RELCH: variants seen among roughly 807,000 people sequenced by gnomAD.
RELCH encodes the protein RAB11-binding protein RELCH.
A neutral mutation model predicts 150.3 loss-of-function variants in RELCH; 41 were observed. That is an observed-to-expected ratio of 0.27 (90% confidence interval 0.21 to 0.35). The LOEUF (loss-of-function observed/expected upper bound fraction) is 0.35, where lower values mean the gene tolerates loss of function less well. Ranked by LOEUF, RELCH falls within the 10% of genes least tolerant of loss-of-function variation. The pLI is 1.00. For synonymous variants in RELCH, 478 were observed against 531.8 expected, an observed-to-expected ratio of 0.90 and a Z score of 1.39; for missense variants, 1,092 against 1,467.8, an observed-to-expected ratio of 0.74 and a Z score of 4.18.
intron 11 of RELCH, chr18:62,246,201 A>G (rs2042403415): frequency 6.6e-6 from 1 of 152,226 alleles, no homozygotes; most frequent in African/African-American, 2.4e-5. Context: ...TGCAGTTTTT[A>G]TACACAAAAC....
Position 62,282,271 on chromosome 18 carries a change from T to C in RELCH, c.3115-35T>C, listed in dbSNP as rs752871217. 7 of 1,588,600 alleles carry C rather than the reference T, an allele frequency of 4.4e-6. No homozygotes were observed. The East Asian group carries it at 1.6e-4, about 36-fold the overall frequency. ...TAACAACACTACTCAGTTTTCAATA[T>C]TCTATGAAATGACTGTACAATATCC... On this transcript the variant is annotated intron_variant, in intron 24 of 28. Transcript: ENST00000644646.
At chr18:62,253,165 A>G (rs776072538) in intron 12 of RELCH, among the ~76,000 whole-genome samples, 36 of 151,972 alleles carry the variant, frequency 2.4e-4, no homozygotes, top group Admixed American at 5.9e-4. Context: ...CAGAGAAAGA[A>G]TCTCTGAGGC....
At chr18:62,301,160 C>T (rs2045646636) in intron 28 of RELCH, among the ~76,000 whole-genome samples, 1 of 152,172 alleles carries the variant, frequency 6.6e-6, no homozygotes, top group Admixed American at 6.6e-5. Context: ...AAAATCAGCA[C>T]TGTGCAAAAT....
chr18:62,269,089 G>A, intron 20 of RELCH, 141 bp downstream of exon 20: 1 of 427,220 alleles, frequency 2.3e-6, no homozygotes, highest in South Asian at 5.1e-5. Flanking sequence ...AATTTATAAT[G>A]GATAGCATAT....
chr18:62,258,596 G>A lies in RELCH; in HGVS notation c.2122G>A (p.Ala708Thr), dbSNP rs2043101384. 4 of 1,604,648 alleles carry A rather than the reference G, an allele frequency of 2.5e-6. No individual in the cohort carries two copies. Among genetic ancestry groups the A allele is most frequent in the Non-Finnish European group, 3.4e-6 (4 of 1,176,830 alleles). Residue 708 changes from alanine to threonine, a missense_variant, in exon 15 of 29, where the codon GCT (alanine) becomes ACT (threonine). By Grantham distance (58) the Ala-to-Thr change is moderately conservative (BLOSUM62 0). Coordinates refer to ENST00000644646, the MANE Select transcript of RELCH (RefSeq NM_001346231.2). ...ATHQVFLPAY[A>T]AWTTELGNLQ... ...ACATCAAGTATTTTTACCAGCTTAC[G>A]CTGCGTGGACTACAGAACTTGGAAA...
chr18:62,248,214 C>G (rs141359214), intron 11 of RELCH, among the ~76,000 whole-genome samples: 2 of 152,214 alleles, frequency 1.3e-5, no homozygotes, highest in African/African-American at 4.8e-5. Flanking sequence ...AAGTTTCCTC[C>G]GTAAACTTTG....
chr18:62,255,732 C>G (rs1378909882), intron 13 of RELCH, among the ~76,000 whole-genome samples: 3 of 152,084 alleles, frequency 2.0e-5, no homozygotes, highest in South Asian at 4.1e-4. Context: ...TCTGAGGACC[C>G]TGGGGGTTTC....
chr18:62,270,372 A>G (rs1305533824), intron 20 of RELCH, among the ~76,000 whole-genome samples: 4 of 152,146 alleles, frequency 2.6e-5, no homozygotes, highest in African/African-American at 9.7e-5. Flanking sequence ...CCACCAATGT[A>G]ACAGGCTGCC....
At chr18:62,207,170 A>G (rs983879034) in intron 1 of RELCH, among the ~76,000 whole-genome samples, 1 of 152,032 alleles carries the variant, frequency 6.6e-6, no homozygotes, top group Non-Finnish European at 1.5e-5. Context: ...CCAATCACTA[A>G]TCTCTATGTC....
intron 1 of RELCH, among the ~76,000 whole-genome samples, chr18:62,201,385 ATTTC>A (rs1250621218): frequency 3.2e-4 from 48 of 152,234 alleles, no homozygotes; most frequent in African/African-American, 9.9e-4. Context: ...ATTATTATAA[ATTTC>A]TTTCTCATGA....
chr18:62,280,595 A>G (rs1316152539), intron 23 of RELCH, 51 bp from the exon 24 acceptor site: 12 of 1,400,176 alleles, frequency 8.6e-6, no homozygotes, highest in Non-Finnish European at 1.2e-5. Flanking sequence ...TTTTAATAAT[A>G]CTCGTTGTTC....
rs150819724 is a variant in RELCH at position 62,266,013 on chromosome 18, T to G, written c.2632-688T>G. ...TCCTGTTATCAATATTGGCAAAAAT[T>G]GTTTGATATCTCCAAAACAAGTAGC... On this transcript the variant is annotated intron_variant, in intron 18 of 28. Transcript: ENST00000644646. Among the ~76,000 whole-genome samples, 932 of 151,860 alleles carry G rather than the reference T, an allele frequency of 6.1e-3. 10 individuals are homozygous for G. Among genetic ancestry groups the G allele is most frequent in the African/African-American group, 0.021 (864 of 41,360 alleles).
At chr18:62,219,325 C>CTTTTTTTTTTT (rs202196452) in intron 2 of RELCH, among the ~76,000 whole-genome samples, 37 of 112,868 alleles carry the variant, frequency 3.3e-4, no homozygotes, top group African/African-American at 4.4e-4. Flanking sequence ...TTCTTTTTTT[C>CTTTTTTTTTTT]TTTTTTTTTT....
chr18:62,274,392 C>T lies in RELCH; in HGVS notation c.2867+306C>T, dbSNP rs553718272. Among the ~76,000 whole-genome samples, 201 of 152,272 alleles carry T rather than the reference C, an allele frequency of 1.3e-3. 9 individuals are homozygous for T. In the South Asian group the frequency reaches 0.039, roughly 30 times the overall value. On this transcript the variant is annotated intron_variant, in intron 21 of 28. Transcript: ENST00000644646. The stretch of plus-strand genomic sequence containing the variant: ...TTGAAGAAAATTTAGTTTCCCAGAA[C>T]TGAAAAAGGAGCCCCAAGTGAAAGC...
Position 62,244,769 on chromosome 18 carries a change from G to T in RELCH, c.1626G>T (p.Leu542Phe). The change falls in exon 11 of 29, where the codon TTG (leucine) becomes TTT (phenylalanine). Residue 542 changes from leucine (L) to phenylalanine (F), a missense_variant. By Grantham distance (22) the Leu-to-Phe change is conservative. Transcript: ENST00000644646. ...PNVLLAKREELIPLILCTACL... is the reference protein window; with the variant it reads ...PNVLLAKREEFIPLILCTACL... ...CCACCCTCGTATTTCTTTAGGAGTTGATCCCCCTCATATTGTGTACAGCAT... is the reference window on the plus strand; with the variant it reads ...CCACCCTCGTATTTCTTTAGGAGTTTATCCCCCTCATATTGTGTACAGCAT... The T allele has an allele frequency of 6.2e-7, 1 of 1,604,728 alleles. No individual in the cohort carries two copies. Among genetic ancestry groups the T allele is most frequent in the South Asian group, 1.1e-5 (1 of 90,754 alleles).
rs144840865 is a variant in RELCH, at chr18:62,255,260, A to G, written c.1825-147A>G. 2,867 of 658,636 alleles carry G rather than the reference A, an allele frequency of 4.4e-3. 151 individuals are homozygous for G. In the Admixed American group the frequency reaches 0.067, roughly 16 times the overall value. 40.8% of individuals were successfully genotyped at this position (658,636 alleles called of 1,614,324 possible). ...TCCCTCACTCCCTCATTCCCGATCC[A>G]GGTATAGTCAAACAGGGATTCCCAG... is the stretch of plus-strand genomic sequence containing the variant. On this transcript the variant is annotated intron_variant, in intron 12 of 28. Coordinates refer to ENST00000644646, the MANE Select transcript of RELCH (RefSeq NM_001346231.2).
chr18:62,300,866 T>C (rs963170520), intron 28 of RELCH: 1 of 152,176 alleles, frequency 6.6e-6, no homozygotes, highest in Non-Finnish European at 1.5e-5. Context: ...AGGCAGAAAA[T>C]GTATGCATAA....
chr18:62,188,237 T>C (rs1599737707), intron 1 of RELCH, among the ~76,000 whole-genome samples: 1 of 152,320 alleles, frequency 6.6e-6, no homozygotes. Flanking sequence ...TTGGCTGGTG[T>C]TGCACTTGGC....
At chr18:62,217,803 G>A (rs1428236476) in intron 2 of RELCH, among the ~76,000 whole-genome samples, 1 of 151,990 alleles carries the variant, frequency 6.6e-6, no homozygotes, top group African/African-American at 2.4e-5. Flanking sequence ...ACTTTGAGAT[G>A]AGTGATAGAG....
Sources: allele counts gnomAD v4.1 joint callset (sites outside exome capture counted in the v4.1 genomes callset), GRCh38; gene constraint gnomAD v4.1.1; transcripts MANE v1.5; gene names NCBI Gene and HGNC (gene_info 2026-07-23, HGNC 2026-07-21).